The following DGKB variants were observed in gnomAD, a reference collection of about 807,000 sequenced individuals.
The protein encoded by DGKB is diacylglycerol kinase beta, also known as 90 kDa diacylglycerol kinase.
DGKB carries 67 observed loss-of-function variants against 114.3 expected under a neutral mutation model. The ratio of observed to expected loss-of-function variants is 0.59; its 90% CI spans 0.48 to 0.72. DGKB has a LOEUF of 0.72. Among genes scored for constraint, DGKB ranks in the 30% least tolerant of loss-of-function variants. DGKB has a pLI of 0.00. For synonymous variants in DGKB, 398 were observed against 323.1 expected (o/e 1.23, Z -2.49); for missense variants, 907 against 975.2 (o/e 0.93, Z 0.93).
At chr7:14,631,263 C>CAAAAAAAAAAAAAAAAAAAAA in intron 13 of DGKB, among the ~76,000 whole-genome samples, 1 of 98,432 alleles carries the variant, frequency 1.0e-5, no homozygotes, top group Non-Finnish European at 2.0e-5. Flanking sequence ...CAGCAAGAAC[C>CAAAAAAAAAAAAAAAAAAAAA]AAAAAAAAAA....
intron 20 of DGKB, among the ~76,000 whole-genome samples, chr7:14,542,733 T>G (rs1037975541): frequency 6.6e-6 from 1 of 152,176 alleles, no homozygotes; most frequent in African/African-American, 2.4e-5. Context: ...TGCCTGAGAT[T>G]TTTAACCATG....
chr7:14,695,393 T>C (rs910877541), intron 8 of DGKB, among the ~76,000 whole-genome samples: 2 of 151,618 alleles, frequency 1.3e-5, no homozygotes, highest in African/African-American at 2.4e-5. Context: ...TTGAACTGAG[T>C]GTAGAGCCTG....
intron 23 of DGKB, among the ~76,000 whole-genome samples, chr7:14,305,502 T>C (rs1341291366): frequency 6.6e-6 from 1 of 152,170 alleles, no homozygotes; most frequent in Non-Finnish European, 1.5e-5. Flanking sequence ...GCTGAAATGA[T>C]TTTAAAGACA....
intron 23 of DGKB, among the ~76,000 whole-genome samples, chr7:14,181,393 A>C (rs2128250657): frequency 6.6e-6 from 1 of 152,290 alleles, no homozygotes; most frequent in African/African-American, 2.4e-5. Flanking sequence ...CATTAATTCC[A>C]CAGTGTATGT....
chr7:14,159,493 T>C (rs1783535234), intron 25 of DGKB, among the ~76,000 whole-genome samples: 1 of 152,174 alleles, frequency 6.6e-6, no homozygotes, highest in South Asian at 2.1e-4. Flanking sequence ...ATTGAAATTT[T>C]ATATTTGTGG....
chr7:14,879,301 T>C (rs1020924007), intron 1 of DGKB, among the ~76,000 whole-genome samples: 1 of 149,772 alleles, frequency 6.7e-6, no homozygotes. Context: ...TAAAAAAATA[T>C]TTAATATGGT....
chr7:14,583,672 G>C lies in DGKB; in HGVS notation c.1434-535C>G, dbSNP rs375924966. 2.6e-5 allele frequency among the ~76,000 whole-genome samples: 4 copies of C among 152,176 alleles called. No homozygotes were observed. In the East Asian group the frequency reaches 7.7e-4, roughly 29 times the overall value. On this transcript the variant is annotated intron_variant, in intron 17 of 25. Transcript: ENST00000402815. ...CTTTTGACTGAGAATCTGCAAATAG[G>C]AGGCAGGCTTCACCTTGTATTTTGA...
At chr7:14,708,660 G>T (rs553627042) in intron 6 of DGKB, among the ~76,000 whole-genome samples, 1 of 151,224 alleles carries the variant, frequency 6.6e-6, no homozygotes, top group Non-Finnish European at 1.5e-5. Context: ...AAATAACGCC[G>T]CATACCTACA....
rs193295295 is a variant in DGKB, at chr7:14,349,009, G to A, written c.1836-3618C>T. 1.0e-3 allele frequency among the ~76,000 whole-genome samples: 155 copies of A among 152,116 alleles called. 1 individual carries two copies. The highest frequency in any genetic ancestry group is 1.8e-3 in the Non-Finnish European group (125 of 67,994). On this transcript the variant is annotated intron_variant, in intron 21 of 25. Transcript: ENST00000402815. Reference sequence around the variant, plus strand: ...AAGCTGACAGAAGTTTATTAGCAGAGGGGTGACATCGTGAACTTTGTTTTA... The same window carrying A: ...AAGCTGACAGAAGTTTATTAGCAGAAGGGTGACATCGTGAACTTTGTTTTA...
chr7:14,567,796 G>A (rs1205245510), intron 20 of DGKB, among the ~76,000 whole-genome samples: 1 of 151,018 alleles, frequency 6.6e-6, no homozygotes, highest in East Asian at 2.0e-4. Flanking sequence ...TAGTAGAGGT[G>A]CGGTTTTACC....
At chr7:14,378,325 A>C (rs17168119) in intron 21 of DGKB, among the ~76,000 whole-genome samples, 317 of 152,290 alleles carry the variant, frequency 2.1e-3, no homozygotes, top group African/African-American at 7.2e-3. Context: ...CCACATAAAC[A>C]GAGTCAAAAA....
intron 23 of DGKB, among the ~76,000 whole-genome samples, chr7:14,286,848 G>C (rs1562843176): frequency 6.6e-6 from 1 of 152,002 alleles, no homozygotes; most frequent in Non-Finnish European, 1.5e-5. Context: ...ACCTAAGATG[G>C]TTTTAGAAAA....
At chr7:14,864,021 C>A (rs983280597) in intron 1 of DGKB, among the ~76,000 whole-genome samples, 1 of 151,202 alleles carries the variant, frequency 6.6e-6, no homozygotes. Context: ...ATCACTTGAA[C>A]CCAGGAGGCA....
intron 2 of DGKB, among the ~76,000 whole-genome samples, chr7:14,825,016 G>GTGTGTATATATATA (rs1480765381): frequency 2.2e-5 from 2 of 92,382 alleles, no homozygotes; most frequent in African/African-American, 3.4e-5. Flanking sequence ...GTATGTGTAT[G>GTGTGTATATATATA]TATATATATA....
At chr7:14,473,002 A>G (rs960896679) in intron 21 of DGKB, among the ~76,000 whole-genome samples, 12 of 152,156 alleles carry the variant, frequency 7.9e-5, no homozygotes, top group African/African-American at 2.7e-4. Context: ...GCAATGCTAT[A>G]GAAAAGAAAA....
In DGKB at chr7:14,918,150, A is replaced by G. The variant is rs558458798; in HGVS notation, c.-188+56546T>C. Among the ~76,000 whole-genome samples the G allele has an allele frequency of 4.6e-5, 7 of 152,316 alleles. No individual in the cohort carries two copies. In the South Asian group the frequency reaches 1.4e-3, roughly 32 times the overall value. Reference sequence around the variant, plus strand: ...TAAATCTACAGGTAACATCATACTTAGTGATGAGAAAATAAGTGCTTATTT... The same window carrying G: ...TAAATCTACAGGTAACATCATACTTGGTGATGAGAAAATAAGTGCTTATTT... On this transcript the variant is annotated intron_variant, in intron 1 of 4. Coordinates refer to the DGKB transcript ENST00000437998.
rs181806456 is a variant in DGKB at position 14,373,992 on chromosome 7, C to T, written c.1836-28601G>A. On this transcript the variant is annotated intron_variant, in intron 21 of 25. Transcript: ENST00000402815. ...TAATTCTCATTTCCTCTGCTGAGGT[C>T]CCCTTGCCCTTCCTGAAAGATCTAA... Among the ~76,000 whole-genome samples, 448 of 152,194 alleles carry T rather than the reference C, an allele frequency of 2.9e-3. 2 individuals carry two copies. The highest frequency in any genetic ancestry group is 0.01 in the African/African-American group (426 of 41,508).
intron 23 of DGKB, among the ~76,000 whole-genome samples, chr7:14,230,814 G>A (rs1437926854): frequency 1.3e-5 from 2 of 151,900 alleles, no homozygotes; most frequent in African/African-American, 4.8e-5. Context: ...CCTCTGTCTG[G>A]AAAGCTACCC....
intron 12 of DGKB, among the ~76,000 whole-genome samples, chr7:14,675,568 A>C (rs901291170): frequency 6.6e-6 from 1 of 151,724 alleles, no homozygotes; most frequent in Non-Finnish European, 1.5e-5. Flanking sequence ...ATAGGTACTG[A>C]CAGTTGATTC....
Sources: allele counts gnomAD v4.1 joint callset (sites outside exome capture counted in the v4.1 genomes callset), GRCh38; gene constraint gnomAD v4.1.1; transcripts MANE v1.5; gene names NCBI Gene and HGNC (gene_info 2026-07-23, HGNC 2026-07-21).